The following KRTAP17-1 variants were observed in gnomAD, a reference collection of about 807,000 sequenced individuals.
The protein encoded by KRTAP17-1 is keratin associated protein 17-1.
A neutral mutation model predicts 10.4 loss-of-function variants in KRTAP17-1; 2 were observed. That is an observed-to-expected ratio of 0.19 (90% CI 0.08 to 0.61). The LOEUF is 0.61. KRTAP17-1 is among the 20% of genes least tolerant of loss of function. The pLI, the probability that KRTAP17-1 is intolerant of heterozygous loss-of-function variation, is 0.89. For synonymous variants in KRTAP17-1, 62 were observed against 52.7 expected (o/e 1.18, Z -0.77); for missense variants, 143 against 136.8 (o/e 1.05, Z -0.23).
In KRTAP17-1 at chr17:41,315,415, C is replaced by A. The variant is rs1211578040; in HGVS notation, c.236G>T (p.Ser79Ile). The part of the protein sequence containing the change: ...GGCGGGCCGS[S>I]CCGSSCCGSG... Reference sequence around the variant, plus strand: ...GCCGCAGCAACTGGACCCACAGCAACTGGATCCACAGCAGCCACCCCCGCA... The same window carrying A: ...GCCGCAGCAACTGGACCCACAGCAAATGGATCCACAGCAGCCACCCCCGCA... The change falls in exon 1 of 1, where the codon AGT (serine) becomes ATT (isoleucine). Residue 79 changes from serine to isoleucine, a missense_variant. Physicochemically the swap from Ser to Ile is moderately radical, Grantham distance 142. Coordinates refer to ENST00000334202, the MANE Select transcript of KRTAP17-1 (RefSeq NM_031964.2). 1 of 1,612,500 alleles carries A rather than the reference C, an allele frequency of 6.2e-7. No homozygotes were observed. Among genetic ancestry groups the A allele is most frequent in the Non-Finnish European group, 8.5e-7 (1 of 1,179,614 alleles).
chr17:41,315,473 A>T lies in KRTAP17-1; in HGVS notation c.178T>A (p.Ser60Thr), dbSNP rs1446365794. The T allele has an allele frequency of 7.5e-6, 12 of 1,598,672 alleles. No homozygotes were observed. Among genetic ancestry groups the T allele is most frequent in the Non-Finnish European group, 1.0e-5 (12 of 1,172,062 alleles). The stretch of plus-strand genomic sequence containing the variant: ...CAGCCTCCACAGCCTCCGCAGCCAG[A>T]TCCACAGCAAGACGATCCGCAGCAG... Reference protein sequence around the residue: ...GSCCGSSCCGSGCGGCGGCGG... With the variant: ...GSCCGSSCCGTGCGGCGGCGG... Residue 60 changes from serine (S) to threonine (T), a missense_variant, in exon 1 of 1, where the codon TCT becomes ACT. By Grantham distance (58) the Ser-to-Thr change is moderately conservative. Transcript: ENST00000334202.
chr17:41,315,451 C>G lies in KRTAP17-1; in HGVS notation c.200G>C (p.Gly67Ala). ...CCGSGCGGCG[G>A]CGGCGGGCCG... is the part of the protein sequence containing the mutation. ...GCAGCCACCCCCGCAGCCTCCGCAG[C>G]CTCCACAGCCTCCGCAGCCAGATCC... The change falls in exon 1 of 1, where the codon GGC becomes GCC. Residue 67 changes from glycine (G) to alanine (A), a missense_variant. By Grantham distance (60) the Gly-to-Ala change is moderately conservative. Coordinates refer to ENST00000334202, the MANE Select transcript of KRTAP17-1 (RefSeq NM_031964.2). 6.2e-7 allele frequency: 1 copy of G among 1,603,056 alleles called. No individual in the cohort carries two copies. Among genetic ancestry groups the G allele is most frequent in the South Asian group, 1.1e-5 (1 of 90,234 alleles).
At position 41,315,619 on chromosome 17, in the gene KRTAP17-1, C is replaced by T. The variant is rs761075969; in HGVS notation, c.32G>A (p.Cys11Tyr). Reference protein sequence around the residue: MGCCPGDCFTCCTQEQNCCEE... With the variant: MGCCPGDCFTYCTQEQNCCEE... ...ACAGCAGTTTTGCTCCTGGGTGCAG[C>T]AGGTGAAGCAGTCCCCCGGGCAGCA... Residue 11 changes from cysteine (C) to tyrosine (Y), a missense_variant, in exon 1 of 1, where the codon TGC becomes TAC. Transcript: ENST00000334202. The T allele has an allele frequency of 1.9e-6, 3 of 1,611,832 alleles. No homozygotes were observed. Among genetic ancestry groups the T allele is most frequent in the South Asian group, 2.2e-5 (2 of 90,910 alleles).
In KRTAP17-1 at chr17:41,315,552, G is replaced by T. The variant is rs753588577; in HGVS notation, c.99C>A (p.Gly33=). 1.9e-6 allele frequency: 3 copies of T among 1,611,722 alleles called. No individual in the cohort carries two copies. Among genetic ancestry groups the T allele is most frequent in the Non-Finnish European group, 2.5e-6 (3 of 1,179,188 alleles). ...CAGAGCCCCCACAGCCACAGCAGGA[G>T]CCGCAGCAGCCACAGCAGCCCGGCT... ...CCQPGCCGCC[G]SCCGCGGSGC... is the part of the protein sequence containing the mutation. The change falls in exon 1 of 1, where the codon GGC becomes GGA. Residue 33 remains glycine, a synonymous_variant. Coordinates refer to ENST00000334202, the MANE Select transcript of KRTAP17-1 (RefSeq NM_031964.2).
chr17:41,314,927 A>G lies in KRTAP17-1; in HGVS notation c.*406T>C, dbSNP rs544412785. On this transcript the variant is annotated 3_prime_UTR_variant, in exon 1 of 1. Coordinates refer to ENST00000334202, the MANE Select transcript of KRTAP17-1 (RefSeq NM_031964.2). ...AGAGAACTAATTAGGTTATGCCAGC[A>G]TGCTCAAATTTATTAAGAGGCTCAC... 24 of 169,998 alleles carry G rather than the reference A, an allele frequency of 1.4e-4. No individual in the cohort carries two copies. The highest frequency in any genetic ancestry group is 5.8e-3 in the Middle Eastern group (2 of 346). 10.5% of individuals were successfully genotyped at this position (169,998 alleles called of 1,614,324 possible).
chr17:41,315,405 C>A lies in KRTAP17-1; in HGVS notation c.246G>T (p.Gly82=). The change falls in exon 1 of 1, where the codon GGG becomes GGT. Residue 82 remains glycine (G), a synonymous_variant. Transcript: ENST00000334202. ...AGCACCCGGAGCCGCAGCAACTGGA[C>A]CCACAGCAACTGGATCCACAGCAGC... ...GGGCCGSSCC[G]SSCCGSGCCG... 1.2e-6 allele frequency: 2 copies of A among 1,612,698 alleles called. No individual in the cohort carries two copies. The highest frequency in any genetic ancestry group is 1.7e-6 in the Non-Finnish European group (2 of 1,179,792).
In KRTAP17-1 at chr17:41,315,658, G is replaced by C; in HGVS notation, c.-8C>G. On this transcript the variant is annotated 5_prime_UTR_variant, in exon 1 of 1. Transcript: ENST00000334202. Reference sequence around the variant, plus strand: ...CCCCGGGCAGCACCCCATGGTCCGGGCCCGTCAGCTCGCAGGTCGGTAACG... The same window carrying C: ...CCCCGGGCAGCACCCCATGGTCCGGCCCCGTCAGCTCGCAGGTCGGTAACG... 4 of 1,585,368 alleles carry C rather than the reference G, an allele frequency of 2.5e-6. No individual in the cohort carries two copies. The highest frequency in any genetic ancestry group is 3.4e-6 in the Non-Finnish European group (4 of 1,162,102).
In KRTAP17-1 at chr17:41,314,970, T is replaced by G. The variant is rs991285409; in HGVS notation, c.*363A>C. ...AGGCTCACAAAGAAGATGGACCTTTTTTGCATCTCAAAGCTGCAGAAAGCC... is the reference window on the plus strand; with the variant it reads ...AGGCTCACAAAGAAGATGGACCTTTGTTGCATCTCAAAGCTGCAGAAAGCC... On this transcript the variant is annotated 3_prime_UTR_variant, in exon 1 of 1. Coordinates refer to ENST00000334202, the MANE Select transcript of KRTAP17-1 (RefSeq NM_031964.2). 9.8e-6 allele frequency: 2 copies of G among 204,308 alleles called. No individual in the cohort carries two copies. Among genetic ancestry groups the G allele is most frequent in the African/African-American group, 4.6e-5 (2 of 43,518 alleles). The allele number at this position is 204,308 out of a possible 1,614,324, so 12.7% of individuals were successfully genotyped here.
rs1476064606 is a variant in KRTAP17-1, at chr17:41,315,054, C to A, written c.*279G>T. 1 of 457,080 alleles carries A rather than the reference C, an allele frequency of 2.2e-6. No homozygotes were observed. Among genetic ancestry groups the A allele is most frequent in the African/African-American group, 1.9e-5 (1 of 51,514 alleles). 28.3% of individuals were successfully genotyped at this position (457,080 alleles called of 1,614,324 possible). A position where few individuals can be genotyped will look rare whatever the true frequency, so the allele number is the denominator to read the frequency against. On this transcript the variant is annotated 3_prime_UTR_variant, in exon 1 of 1. Coordinates refer to ENST00000334202, the MANE Select transcript of KRTAP17-1 (RefSeq NM_031964.2). Reference sequence around the variant, plus strand: ...GAAGAGGATGTCTTATAGTACAAGACATTGAACTTCATGTGAATAAGTAAA... The same window carrying A: ...GAAGAGGATGTCTTATAGTACAAGAAATTGAACTTCATGTGAATAAGTAAA...
At position 41,315,577 on chromosome 17, in the gene KRTAP17-1, T is replaced by C. The variant is rs370672928; in HGVS notation, c.74A>G (p.Gln25Arg). 2.2e-4 allele frequency: 356 copies of C among 1,613,818 alleles called. 4 individuals carry two copies. Among genetic ancestry groups the C allele is most frequent in the East Asian group, 1.1e-3 (49 of 44,870 alleles). ...GCCGCAGCAGCCACAGCAGCCCGGC[T>C]GACAGCAGCACTCTTCACAGCAGTT... is the stretch of plus-strand genomic sequence containing the variant. ...EQNCCEECCC[Q>R]PGCCGCCGSC... Residue 25 changes from glutamine to arginine, a missense_variant, in exon 1 of 1, where the codon CAG (glutamine) becomes CGG (arginine). Transcript: ENST00000334202.
rs748497807 is a variant in KRTAP17-1 at position 41,315,393 on chromosome 17, GCAGCAACTGGACCCA to G, written c.243_257del (p.Ser84_Ser88del). On this transcript the variant is annotated inframe_deletion, in exon 1 of 1. Transcript: ENST00000334202. ...ACACAGGCCCACAGCACCCGGAGCC[GCAGCAACTGGACCCA>G]CAGCAACTGGATCCACAGCAGCCAC... is the stretch of plus-strand genomic sequence containing the variant. 26 of 1,612,306 alleles carry G rather than the reference GCAGCAACTGGACCCA, an allele frequency of 1.6e-5. No individual in the cohort carries two copies. The Admixed American group carries it at 1.7e-4, about 10-fold the overall frequency.
chr17:41,315,138 T>C lies in KRTAP17-1; in HGVS notation c.*195A>G, dbSNP rs1168393207. ...TTAGTTGTGACCGAGTTTTAATGTT[T>C]CATCAGAGTATGGCTCTTGTTCTCG... On this transcript the variant is annotated 3_prime_UTR_variant, in exon 1 of 1. Coordinates refer to ENST00000334202, the MANE Select transcript of KRTAP17-1 (RefSeq NM_031964.2). The C allele has an allele frequency of 1.7e-6, 1 of 600,004 alleles. No homozygotes were observed. Among genetic ancestry groups the C allele is most frequent in the Non-Finnish European group, 2.9e-6 (1 of 343,084 alleles). The allele number at this position is 600,004 out of a possible 1,614,324, so 37.2% of individuals were successfully genotyped here.
chr17:41,315,400 C>G lies in KRTAP17-1; in HGVS notation c.251G>C (p.Ser84Thr). The G allele has an allele frequency of 6.2e-7, 1 of 1,612,878 alleles. No individual in the cohort carries two copies. The highest frequency in any genetic ancestry group is 2.2e-5 in the East Asian group (1 of 44,846). ...CCCACAGCACCCGGAGCCGCAGCAA[C>G]TGGACCCACAGCAACTGGATCCACA... Reference protein sequence around the residue: ...GCCGSSCCGSSCCGSGCCGPV... With the variant: ...GCCGSSCCGSTCCGSGCCGPV... Residue 84 changes from serine to threonine, a missense_variant, in exon 1 of 1, where the codon AGT becomes ACT. Physicochemically the swap from Ser to Thr is moderately conservative, Grantham distance 58. Transcript: ENST00000334202.
rs2017047836 is a variant in KRTAP17-1 at position 41,315,502 on chromosome 17, C to G, written c.149G>C (p.Gly50Ala). 3 of 1,074,024 alleles carry G rather than the reference C, an allele frequency of 2.8e-6. No homozygotes were observed. The South Asian group carries it at 4.7e-5, about 17-fold the overall frequency. The allele number at this position is 1,074,024 out of a possible 1,614,324, so 66.5% of individuals were successfully genotyped here. The stretch of plus-strand genomic sequence containing the variant: ...ACAGCAAGACGATCCGCAGCAGCTG[C>G]CCCCGCAGCCAGAGCCCCCGCAGCC... ...GSGCGGSGCGGSCCGSSCCGS... is the reference protein window; with the variant it reads ...GSGCGGSGCGASCCGSSCCGS... Residue 50 changes from glycine to alanine, a missense_variant, in exon 1 of 1, where the codon GGC (glycine) becomes GCC (alanine). Physicochemically the swap from Gly to Ala is moderately conservative, Grantham distance 60 (BLOSUM62 0). Coordinates refer to ENST00000334202, the MANE Select transcript of KRTAP17-1 (RefSeq NM_031964.2).
Position 41,315,467 on chromosome 17 carries a change from A to G in KRTAP17-1, c.184T>C (p.Cys62Arg), listed in dbSNP as rs749877382. The G allele has an allele frequency of 1.3e-6, 2 of 1,599,188 alleles. No homozygotes were observed. The highest frequency in any genetic ancestry group is 2.3e-5 in the East Asian group (1 of 44,240). The part of the protein sequence containing the change: ...CCGSSCCGSG[C>R]GGCGGCGGCG... ...CCTCCGCAGCCTCCACAGCCTCCGC[A>G]GCCAGATCCACAGCAAGACGATCCG... Residue 62 changes from cysteine (C) to arginine (R), a missense_variant, in exon 1 of 1, where the codon TGC becomes CGC. Transcript: ENST00000334202.
In KRTAP17-1 at chr17:41,315,222, A is replaced by C; in HGVS notation, c.*111T>G. On this transcript the variant is annotated 3_prime_UTR_variant, in exon 1 of 1. Coordinates refer to ENST00000334202, the MANE Select transcript of KRTAP17-1 (RefSeq NM_031964.2). ...CAAGCCCTCCTCTACAAATCACAGA[A>C]AGACAAGACACTGTCTTGGGGGTAT... The C allele has an allele frequency of 9.4e-7, 1 of 1,068,506 alleles. No individual in the cohort carries two copies. 66.2% of individuals were successfully genotyped at this position (1,068,506 alleles called of 1,614,324 possible). A position where few individuals can be genotyped will look rare whatever the true frequency, so the allele number is the denominator to read the frequency against.
In KRTAP17-1 at chr17:41,315,422, C is replaced by A. The variant is rs2017045648; in HGVS notation, c.229G>T (p.Gly77Ter). 1 of 1,611,156 alleles carries A rather than the reference C, an allele frequency of 6.2e-7. No homozygotes were observed. The highest frequency in any genetic ancestry group is 8.5e-7 in the Non-Finnish European group (1 of 1,179,122). The change falls in exon 1 of 1, where the codon GGA becomes TGA. Residue 77 changes from glycine to a stop codon, truncating the protein, a stop_gained. Coordinates refer to ENST00000334202, the MANE Select transcript of KRTAP17-1 (RefSeq NM_031964.2). LOFTEE classifies it high-confidence loss of function. Reference protein sequence around the residue: ...GCGGCGGGCCGSSCCGSSCCG... With the variant: ...GCGGCGGGCC ...CAACTGGACCCACAGCAACTGGATC[C>A]ACAGCAGCCACCCCCGCAGCCTCCG...
Position 41,315,613 on chromosome 17 carries a change from G to T in KRTAP17-1, c.38C>A (p.Thr13Asn). ...CTCTTCACAGCAGTTTTGCTCCTGGGTGCAGCAGGTGAAGCAGTCCCCCGG... is the reference window on the plus strand; with the variant it reads ...CTCTTCACAGCAGTTTTGCTCCTGGTTGCAGCAGGTGAAGCAGTCCCCCGG... The part of the protein sequence containing the change: ...CCPGDCFTCC[T>N]QEQNCCEECC... The change falls in exon 1 of 1, where the codon ACC becomes AAC. Residue 13 changes from threonine (T) to asparagine (N), a missense_variant. Thr to Asn is a moderately conservative substitution (Grantham distance 65, BLOSUM62 0). Coordinates refer to ENST00000334202, the MANE Select transcript of KRTAP17-1 (RefSeq NM_031964.2). 1 of 1,612,880 alleles carries T rather than the reference G, an allele frequency of 6.2e-7. No individual in the cohort carries two copies. Among genetic ancestry groups the T allele is most frequent in the South Asian group, 1.1e-5 (1 of 90,986 alleles).
chr17:41,315,323 G>C lies in KRTAP17-1; in HGVS notation c.*10C>G, dbSNP rs754906436. 3 of 1,594,834 alleles carry C rather than the reference G, an allele frequency of 1.9e-6. No individual in the cohort carries two copies. Among genetic ancestry groups the C allele is most frequent in the Non-Finnish European group, 2.6e-6 (3 of 1,173,718 alleles). ...CGGTGGGACTGCATCAGTGGTGGAG[G>C]GAAAGGTCTTCATTTTGTGTCGCAT... On this transcript the variant is annotated 3_prime_UTR_variant, in exon 1 of 1. Transcript: ENST00000334202.
Sources: gnomAD v4.1 joint callset for allele counts on GRCh38, gnomAD v4.1.1 for gene constraint, MANE v1.5 for transcripts, NCBI Gene and HGNC (gene_info 2026-07-23, HGNC 2026-07-21) for gene names.